The following CCDC13 variants were observed in gnomAD, a reference collection of about 807,000 sequenced individuals.
The protein encoded by CCDC13 is coiled-coil domain containing 13.
In CCDC13, 70 loss-of-function variants were observed where a neutral mutation model predicts 87.3. That is an observed-to-expected ratio of 0.80 (90% CI 0.66 to 0.98). The LOEUF is 0.98. Ranked by LOEUF, CCDC13 falls within the 50% of genes least tolerant of loss-of-function variation. The pLI, the probability that CCDC13 is intolerant of heterozygous loss-of-function variation, is 0.00. For missense variants in CCDC13, 842 were observed against 892.0 expected, an observed-to-expected ratio of 0.94 and a Z score of 0.71; for synonymous variants, 317 against 360.3, an observed-to-expected ratio of 0.88 and a Z score of 1.36.
intron 14 of CCDC13, 30 bp from the exon 15 acceptor site, chr3:42,709,828 A>T (rs757717127): frequency 2.4e-5 from 36 of 1,522,688 alleles, no homozygotes; most frequent in Non-Finnish European, 3.2e-5. Context: ...ACTTTCTGTG[A>T]GGAGGCCACA....
intron 14 of CCDC13, among the ~76,000 whole-genome samples, 175 bp downstream of exon 14, chr3:42,712,987 T>G (rs1698346625): frequency 6.6e-6 from 1 of 152,224 alleles, no homozygotes; most frequent in South Asian, 2.1e-4. Context: ...TGCTTCTGAC[T>G]GAGAGGCCTG....
chr3:42,713,250 G>GGA lies in CCDC13; in HGVS notation c.1784_1785insTC (p.Val596ProfsTer66), dbSNP rs750922481. The GGA allele has an allele frequency of 9.9e-6, 16 of 1,614,190 alleles. No individual in the cohort carries two copies. The highest frequency in any genetic ancestry group is 1.4e-5 in the Non-Finnish European group (16 of 1,180,032). On this transcript the variant is annotated frameshift_variant, in exon 14 of 16. Coordinates refer to ENST00000310232, the MANE Select transcript of CCDC13 (RefSeq NM_144719.4). LOFTEE classifies it high-confidence loss of function. ...TCTCCAGATGTTGCTCCAGCACCACGGTGCGGTGTCGCTCCTCCTGCAGCT... is the reference window on the plus strand; with the variant it reads ...TCTCCAGATGTTGCTCCAGCACCACGGAGTGCGGTGTCGCTCCTCCTGCAGCT...
In CCDC13 at chr3:42,735,707, G is replaced by T. The variant is rs551175692; in HGVS notation, c.1371C>A (p.His457Gln). 3 of 1,613,990 alleles carry T rather than the reference G, an allele frequency of 1.9e-6. No homozygotes were observed. The highest frequency in any genetic ancestry group is 2.5e-6 in the Non-Finnish European group (3 of 1,179,898). ...TGGGCGCTGCCAGTGCCCTACTCAC[G>T]TGCACATTGAGTTGTCCGATCTCCA... ...LEMEIGQLNV[H>Q]YLRNKGVGEG... is the part of the protein sequence containing the mutation. Residue 457 changes from histidine to glutamine, a missense_variant and splice_region_variant, in exon 10 of 16, where the codon CAC becomes CAA. Coordinates refer to ENST00000310232, the MANE Select transcript of CCDC13 (RefSeq NM_144719.4).
intron 12 of CCDC13, among the ~76,000 whole-genome samples, chr3:42,731,452 G>A (rs1438390918): frequency 6.6e-6 from 1 of 151,938 alleles, no homozygotes; most frequent in Admixed American, 6.5e-5. Context: ...TCCTAAATAT[G>A]CTCTAAGGCC....
In CCDC13 at chr3:42,745,940, G is replaced by A. The variant is rs778676589; in HGVS notation, c.808C>T (p.Leu270Phe). 1 of 1,613,656 alleles carries A rather than the reference G, an allele frequency of 6.2e-7. No homozygotes were observed. The highest frequency in any genetic ancestry group is 1.1e-5 in the South Asian group (1 of 91,076). Residue 270 changes from leucine to phenylalanine, a missense_variant, in exon 7 of 16, where the codon CTT (leucine) becomes TTT (phenylalanine). By Grantham distance (22) the Leu-to-Phe change is conservative. Transcript: ENST00000310232. ...TCACTCACCTTGCTCTGCAAAACAA[G>A]AATTTGTTGAGCCCGACCCCTCCAG... ...GTWRGRAQQI[L>F]VLQSKVQELE...
At chr3:42,749,461 C>T (rs909874259) in intron 5 of CCDC13, among the ~76,000 whole-genome samples, 1 of 152,266 alleles carries the variant, frequency 6.6e-6, no homozygotes, top group South Asian at 2.1e-4. Context: ...TGCCAATCTC[C>T]AGGGAACCTG....
intron 3 of CCDC13, among the ~76,000 whole-genome samples, chr3:42,753,721 T>C (rs1699641113): frequency 6.6e-6 from 1 of 152,124 alleles, no homozygotes; most frequent in South Asian, 2.1e-4. Flanking sequence ...GTGAATGAAC[T>C]GAGGGCTCAA....
chr3:42,747,933 C>T (rs772005210), intron 5 of CCDC13, among the ~76,000 whole-genome samples: 31 of 152,238 alleles, frequency 2.0e-4, no homozygotes, highest in Non-Finnish European at 3.2e-4. Flanking sequence ...GGTCTTTTGA[C>T]AGCTGAGGGG....
At chr3:42,755,703 G>C (rs1160827785) in intron 3 of CCDC13, among the ~76,000 whole-genome samples, 4 of 152,232 alleles carry the variant, frequency 2.6e-5, no homozygotes, top group Non-Finnish European at 5.9e-5. Flanking sequence ...AGTGAAGACT[G>C]GATTTAAGTG....
intron 1 of CCDC13, among the ~76,000 whole-genome samples, chr3:42,765,401 CTATTTT>C (rs1183629320): frequency 2.0e-5 from 3 of 152,012 alleles, no homozygotes; most frequent in Non-Finnish European, 4.4e-5. Flanking sequence ...GCCAGGGTGT[CTATTTT>C]TATTTTTATT....
intron 13 of CCDC13, among the ~76,000 whole-genome samples, chr3:42,720,951 A>C (rs2125874582): frequency 6.6e-6 from 1 of 152,216 alleles, no homozygotes; most frequent in East Asian, 1.9e-4. Flanking sequence ...TTTATCTATA[A>C]GGTTTTATTA....
chr3:42,770,104 A>G (rs1413764555), intron 1 of CCDC13, among the ~76,000 whole-genome samples: 1 of 152,240 alleles, frequency 6.6e-6, no homozygotes, highest in Non-Finnish European at 1.5e-5. Flanking sequence ...TGCAGGATCC[A>G]CTGGGTGAAC....
chr3:42,709,606 G>T, intron 15 of CCDC13, 78 bp downstream of exon 15: 1 of 1,154,048 alleles, frequency 8.7e-7, no homozygotes, highest in Non-Finnish European at 1.3e-6. Flanking sequence ...GCAAGGGGAG[G>T]GACACAGTCC....
chr3:42,758,062 TACACACACACACACACACAC>T, intron 2 of CCDC13, 43 bp downstream of exon 2: 2 of 996,684 alleles, frequency 2.0e-6, no homozygotes, highest in South Asian at 1.4e-5. Context: ...GCTCCGGTGG[TACACACACACACACACACAC>T]ACACACACAC....
At chr3:42,730,103 C>G (rs544623420) in intron 13 of CCDC13, among the ~76,000 whole-genome samples, 1 of 152,260 alleles carries the variant, frequency 6.6e-6, no homozygotes, top group South Asian at 2.1e-4. Flanking sequence ...CTTGTGTTTT[C>G]TTCCCACCAA....
chr3:42,739,599 C>T (rs748607590), intron 9 of CCDC13, 35 bp downstream of exon 9: 2 of 1,596,196 alleles, frequency 1.3e-6, no homozygotes, highest in Non-Finnish European at 8.5e-7. Context: ...GGAACCACCC[C>T]TGGCTCTCGC....
chr3:42,733,046 G>T, intron 11 of CCDC13, 76 bp from the exon 12 acceptor site: 1 of 1,270,892 alleles, frequency 7.9e-7, no homozygotes, highest in Non-Finnish European at 1.1e-6. Flanking sequence ...CTGCATGTGA[G>T]GTGGAGCAGT....
chr3:42,749,910 G>C (rs545664990), intron 5 of CCDC13: 1 of 456,592 alleles, frequency 2.2e-6, no homozygotes, highest in African/African-American at 2.0e-5. Flanking sequence ...TGTGGATTGA[G>C]CCTGCAGGCC....
chr3:42,767,742 G>A (rs770797618), intron 1 of CCDC13, among the ~76,000 whole-genome samples: 5 of 151,914 alleles, frequency 3.3e-5, no homozygotes, highest in Admixed American at 6.6e-5. Context: ...AGGCCGAGGC[G>A]GGTGGGTGGA....
Sources: gnomAD v4.1 joint callset for allele counts (sites outside exome capture counted in the v4.1 genomes callset) on GRCh38, gnomAD v4.1.1 for gene constraint, MANE v1.5 for transcripts, NCBI Gene and HGNC (gene_info 2026-07-23, HGNC 2026-07-21) for gene names.